The following ADGRD1 variants were observed in gnomAD, a reference collection of about 807,000 sequenced individuals.
ADGRD1 encodes the protein adhesion G protein-coupled receptor D1, also known as G-protein coupled receptor 133.
ADGRD1 carries 77 observed loss-of-function variants against 113.4 expected under a neutral mutation model. The observed-to-expected ratio is 0.68, with a 90% CI of 0.57 to 0.82. ADGRD1 has a LOEUF of 0.82. ADGRD1 is among the 40% of genes least tolerant of loss of function. The pLI, the probability that ADGRD1 is intolerant of heterozygous loss-of-function variation, is 0.00. For synonymous variants in ADGRD1, 474 were observed against 475.0 expected (o/e 1.00, Z 0.03); for missense variants, 1,036 against 1,139.1 (o/e 0.91, Z 1.30).
Position 131,079,647 on chromosome 12 carries a change from C to T in ADGRD1, c.1547+2773C>T, listed in dbSNP as rs914268983. Among the ~76,000 whole-genome samples, 4 of 152,162 alleles carry T rather than the reference C, an allele frequency of 2.6e-5. No individual in the cohort carries two copies. In the South Asian group the frequency reaches 8.3e-4, roughly 32 times the overall value. ...AGGTTTTCAACTACACATTCAGTTT[C>T]TTTTATGGATGCAGGACTATGTAGG... On this transcript the variant is annotated intron_variant, in intron 14 of 24. Transcript: ENST00000261654.
chr12:130,994,386 C>G lies in ADGRD1; in HGVS notation c.966+1994C>G, dbSNP rs564836770. 16 of 280,136 alleles carry G rather than the reference C, an allele frequency of 5.7e-5. 1 individual carries two copies. The highest frequency in any genetic ancestry group is 4.9e-4 in the South Asian group (16 of 32,936). 17.4% of individuals were successfully genotyped at this position (280,136 alleles called of 1,614,324 possible). A position where few individuals can be genotyped will look rare whatever the true frequency, so the allele number is the denominator to read the frequency against. The stretch of plus-strand genomic sequence containing the variant: ...TTAGTAAACACTCACACTCCGGGCA[C>G]TAGTGCCCTGCCTGTAGCTAAGGTA... On this transcript the variant is annotated intron_variant, in intron 8 of 24. Transcript: ENST00000261654.
chr12:131,136,184 C>G, intron 22 of ADGRD1, 21 bp downstream of exon 22: 1 of 1,612,282 alleles, frequency 6.2e-7, no homozygotes, highest in East Asian at 2.2e-5. Context: ...CGGGGACTGG[C>G]GGGGAGGCAG....
chr12:131,080,345 A>G (rs1189074892), intron 14 of ADGRD1, among the ~76,000 whole-genome samples: 2 of 152,014 alleles, frequency 1.3e-5, no homozygotes, highest in African/African-American at 4.8e-5. Context: ...TATTCTTTGT[A>G]TAATTTTAGT....
intron 14 of ADGRD1, among the ~76,000 whole-genome samples, chr12:131,080,631 T>A (rs901205068): frequency 6.6e-6 from 1 of 152,172 alleles, no homozygotes; most frequent in African/African-American, 2.4e-5. Context: ...CTTTTTTTTA[T>A]GTTTTTTGAG....
chr12:130,997,463 C>T (rs1298698710), intron 8 of ADGRD1, among the ~76,000 whole-genome samples: 5 of 135,766 alleles, frequency 3.7e-5, no homozygotes, highest in South Asian at 2.3e-4. Flanking sequence ...GGTTGCCAGG[C>T]GGAGGGTCTC....
At position 131,120,841 on chromosome 12, in the gene ADGRD1, C is replaced by T; in HGVS notation, c.2109-6C>T. 1 of 1,614,240 alleles carries T rather than the reference C, an allele frequency of 6.2e-7. No homozygotes were observed. The highest frequency in any genetic ancestry group is 8.5e-7 in the Non-Finnish European group (1 of 1,180,010). On this transcript the variant is annotated splice_polypyrimidine_tract_variant and splice_region_variant and intron_variant, in intron 19 of 24. Transcript: ENST00000261654. ...GTTGAAGTAACGGCTCTGCTTCCCTCCGCAGTTGCTGGCTGTCGTTGGCGA... is the reference window on the plus strand; with the variant it reads ...GTTGAAGTAACGGCTCTGCTTCCCTTCGCAGTTGCTGGCTGTCGTTGGCGA...
chr12:131,139,118 T>C, intron 24 of ADGRD1, 50 bp from the exon 25 acceptor site: 1 of 1,445,322 alleles, frequency 6.9e-7, no homozygotes, highest in Non-Finnish European at 9.7e-7. Context: ...GGCTTATGGC[T>C]CTCCCCCTGG....
intron 2 of ADGRD1, chr12:130,957,508 T>TCACACACATCCCACATC (rs1461944910): frequency 6.6e-6 from 1 of 151,930 alleles, no homozygotes; most frequent in African/African-American, 2.4e-5. Context: ...CCTCACACAT[T>TCACACACATCCCACATC]CACACACATC....
intron 13 of ADGRD1, among the ~76,000 whole-genome samples, chr12:131,028,300 T>C (rs77229287): frequency 6.6e-6 from 1 of 152,242 alleles, no homozygotes; most frequent in East Asian, 1.9e-4. Flanking sequence ...TGCTGTTTGC[T>C]TTTCTTTCTT....
intron 19 of ADGRD1, among the ~76,000 whole-genome samples, 195 bp downstream of exon 19, chr12:131,118,646 T>C (rs1950521440): frequency 6.6e-6 from 1 of 152,144 alleles, no homozygotes; most frequent in African/African-American, 2.4e-5. Flanking sequence ...TCTGGACATT[T>C]TGGGGCCTCG....
intron 15 of ADGRD1, among the ~76,000 whole-genome samples, chr12:131,085,340 C>T (rs922450670): frequency 2.7e-4 from 41 of 152,230 alleles, no homozygotes; most frequent in Admixed American, 6.5e-4. Flanking sequence ...CAGGAAACAG[C>T]AAGTGCACAG....
At chr12:131,133,627 C>T (rs575787500) in intron 21 of ADGRD1, among the ~76,000 whole-genome samples, 3 of 152,310 alleles carry the variant, frequency 2.0e-5, no homozygotes, top group African/African-American at 4.8e-5. Context: ...GGGGACAGAC[C>T]GCTCTGGGTC....
chr12:130,961,538 C>G (rs1022293332), intron 2 of ADGRD1, among the ~76,000 whole-genome samples: 1 of 152,038 alleles, frequency 6.6e-6, no homozygotes, highest in East Asian at 1.9e-4. Flanking sequence ...GCTTGGCTGG[C>G]TGACCTGCCT....
chr12:131,051,464 G>C lies in ADGRD1; in HGVS notation c.1474-25337G>C, dbSNP rs1220725462. On this transcript the variant is annotated intron_variant, in intron 13 of 24. Coordinates refer to ENST00000261654, the MANE Select transcript of ADGRD1 (RefSeq NM_198827.5). ...ATCCTTGAGAGAGCAGTGGATATCT[G>C]TTTTCTTTCTTTCTTTCTTTTCTTT... Among the ~76,000 whole-genome samples the C allele has an allele frequency of 4.1e-5, 5 of 122,814 alleles. No homozygotes were observed. In the Admixed American group the frequency reaches 4.5e-4, roughly 11 times the overall value. 80.6% of individuals were successfully genotyped at this position (122,814 alleles called of 152,430 possible).
chr12:131,116,483 AGGGCAGGC>A (rs1371089257), intron 18 of ADGRD1, among the ~76,000 whole-genome samples: 30 of 152,342 alleles, frequency 2.0e-4, no homozygotes, highest in African/African-American at 7.2e-4. Flanking sequence ...GATGTTTGGA[AGGGCAGGC>A]ACGGCGTGTA....
At chr12:131,095,095 TGCC>T (rs929584020) in intron 15 of ADGRD1, among the ~76,000 whole-genome samples, 10 of 152,206 alleles carry the variant, frequency 6.6e-5, no homozygotes, top group African/African-American at 2.4e-4. Context: ...GGCTGACACC[TGCC>T]ACCCCCATCT....
rs1020063646 is a variant in ADGRD1 at position 130,966,628 on chromosome 12, C to T, written c.187+82C>T. On this transcript the variant is annotated intron_variant, in intron 3 of 24. Coordinates refer to ENST00000261654, the MANE Select transcript of ADGRD1 (RefSeq NM_198827.5). The surrounding 1 kb of genome is among the most constrained non-coding windows in gnomAD (Gnocchi z 4.6). Reference sequence around the variant, plus strand: ...AGGCGTGGGTGCTGAGAGTGGCTGGCCTTGAAATCCCAGGGCCATTGGGGG... The same window carrying T: ...AGGCGTGGGTGCTGAGAGTGGCTGGTCTTGAAATCCCAGGGCCATTGGGGG... The T allele has an allele frequency of 4.6e-6, 4 of 866,580 alleles. No individual in the cohort carries two copies. Among genetic ancestry groups the T allele is most frequent in the Non-Finnish European group, 7.9e-6 (4 of 503,878 alleles). The allele number at this position is 866,580 out of a possible 1,614,324, so 53.7% of individuals were successfully genotyped here. A position where few individuals can be genotyped will look rare whatever the true frequency, so the allele number is the denominator to read the frequency against.
chr12:131,101,479 C>T (rs1950086381), intron 15 of ADGRD1, among the ~76,000 whole-genome samples: 1 of 141,516 alleles, frequency 7.1e-6, no homozygotes, highest in Admixed American at 7.8e-5. Context: ...CCTTCACCTC[C>T]CGGGTTCAAG....
At chr12:131,002,392 A>C in intron 9 of ADGRD1, 6 of 409,528 alleles carry the variant, frequency 1.5e-5, no homozygotes, top group Non-Finnish European at 2.0e-5. Context: ...CCTAAAAGCA[A>C]ATATCTAAAA....
Sources: allele counts gnomAD v4.1 joint callset (sites outside exome capture counted in the v4.1 genomes callset), GRCh38; gene constraint gnomAD v4.1.1; non-coding constraint Gnocchi (gnomAD v3.1); transcripts MANE v1.5; gene names NCBI Gene and HGNC (gene_info 2026-07-23, HGNC 2026-07-21).